The following FER variants were observed in gnomAD, a reference collection of about 807,000 sequenced individuals.
The protein encoded by FER is FER tyrosine kinase.
FER carries 63 observed loss-of-function variants against 111.0 expected under a neutral mutation model. That is an observed-to-expected ratio of 0.57 (90% CI 0.46 to 0.70). The LOEUF (loss-of-function observed/expected upper bound fraction) is 0.70. Ranked by LOEUF, FER falls within the 30% of genes least tolerant of loss-of-function variation. The pLI is 0.00. For synonymous variants in FER, 327 were observed against 313.9 expected, an observed-to-expected ratio of 1.04 and a Z score of -0.44; for missense variants, 914 against 954.0, an observed-to-expected ratio of 0.96 and a Z score of 0.55.
intron 17 of FER, among the ~76,000 whole-genome samples, chr5:109,125,064 A>G (rs1751536917): frequency 6.6e-6 from 1 of 150,534 alleles, no homozygotes; most frequent in Non-Finnish European, 1.5e-5. Flanking sequence ...AAAAAAAAAA[A>G]GAAGAAAGAT....
intron 10 of FER, among the ~76,000 whole-genome samples, chr5:108,939,092 A>T (rs1329970628): frequency 6.6e-6 from 1 of 152,014 alleles, no homozygotes; most frequent in Admixed American, 6.6e-5. Context: ...TGGCCATTTA[A>T]ACTAGGGTTT....
chr5:108,928,158 G>T (rs1754052573), intron 10 of FER, among the ~76,000 whole-genome samples: 2 of 152,190 alleles, frequency 1.3e-5, no homozygotes, highest in Non-Finnish European at 2.9e-5. Flanking sequence ...GAAGGTGCTT[G>T]CTCCCAAATG....
chr5:109,079,945 T>A (rs1207564082), intron 16 of FER, among the ~76,000 whole-genome samples: 1 of 152,124 alleles, frequency 6.6e-6, no homozygotes, highest in South Asian at 2.1e-4. Context: ...AGTTTTTGTT[T>A]GCCAGCCTGT....
At chr5:108,774,464 T>C (rs1352513348) in intron 2 of FER, among the ~76,000 whole-genome samples, 1 of 152,178 alleles carries the variant, frequency 6.6e-6, no homozygotes, top group Non-Finnish European at 1.5e-5. Context: ...TTCTAGATCC[T>C]TGAGGAATTG....
At chr5:108,880,997 T>C (rs1765621096) in intron 8 of FER, among the ~76,000 whole-genome samples, 1 of 152,124 alleles carries the variant, frequency 6.6e-6, no homozygotes, top group Admixed American at 6.6e-5. Flanking sequence ...ATTCCTGTTA[T>C]AAGAGATTCA....
chr5:109,124,972 G>C (rs1751512492), intron 17 of FER, among the ~76,000 whole-genome samples: 1 of 150,666 alleles, frequency 6.6e-6, no homozygotes, highest in African/African-American at 2.4e-5. Flanking sequence ...CGTGAACCCA[G>C]GAGGCAGAGC....
chr5:109,052,254 CT>C, intron 16 of FER: 3 of 1,605,926 alleles, frequency 1.9e-6, no homozygotes, highest in Non-Finnish European at 2.6e-6. Context: ...TTGGGAAAGA[CT>C]TGTCATAGCA....
chr5:109,035,740 C>A (rs928703761), intron 13 of FER, among the ~76,000 whole-genome samples: 3 of 152,094 alleles, frequency 2.0e-5, no homozygotes, highest in Non-Finnish European at 2.9e-5. Context: ...GCTTTTTCTG[C>A]GTTGGGAAAA....
At chr5:109,168,119 T>G (rs1582358753) in intron 17 of FER, among the ~76,000 whole-genome samples, 1 of 152,200 alleles carries the variant, frequency 6.6e-6, no homozygotes, top group East Asian at 1.9e-4. Flanking sequence ...TACAATATGA[T>G]GGACTGGACA....
At chr5:109,022,184 A>G (rs533958523) in intron 13 of FER, among the ~76,000 whole-genome samples, 1 of 152,132 alleles carries the variant, frequency 6.6e-6, no homozygotes, top group Admixed American at 6.6e-5. Context: ...TGTTCCAGCA[A>G]CCCTGAGCCC....
At chr5:108,892,368 T>G (rs915632262) in intron 9 of FER, among the ~76,000 whole-genome samples, 12 of 152,200 alleles carry the variant, frequency 7.9e-5, no homozygotes, top group African/African-American at 2.7e-4. Context: ...CTAACTGGTG[T>G]GAGATGGTAT....
chr5:108,848,235 A>G (rs376928262), intron 5 of FER, among the ~76,000 whole-genome samples: 88 of 152,258 alleles, frequency 5.8e-4, no homozygotes, highest in African/African-American at 2.0e-3. Flanking sequence ...TCTGAAATGC[A>G]TCTCTTGTAA....
intron 16 of FER, among the ~76,000 whole-genome samples, chr5:109,090,492 G>T (rs919245650): frequency 1.3e-5 from 2 of 151,922 alleles, no homozygotes; most frequent in African/African-American, 4.8e-5. Context: ...TAAATTTACA[G>T]GCCAACCCCC....
intron 2 of FER, among the ~76,000 whole-genome samples, chr5:108,778,114 C>G (rs531959279): frequency 9.2e-5 from 14 of 152,300 alleles, no homozygotes; most frequent in South Asian, 2.1e-4. Flanking sequence ...TTCTCCATGT[C>G]TTTTCATGGC....
intron 2 of FER, among the ~76,000 whole-genome samples, chr5:108,777,336 C>T (rs1753600600): frequency 6.6e-6 from 1 of 152,158 alleles, no homozygotes; most frequent in South Asian, 2.1e-4. Context: ...CAGAGATTTC[C>T]CACATACTTC....
At chr5:108,880,212 T>A (rs1395032242) in intron 8 of FER, among the ~76,000 whole-genome samples, 1 of 151,972 alleles carries the variant, frequency 6.6e-6, no homozygotes, top group Non-Finnish European at 1.5e-5. Flanking sequence ...GAATGGAAAA[T>A]TAACCAGGAA....
intron 17 of FER, among the ~76,000 whole-genome samples, chr5:109,164,317 C>T (rs1044339648): frequency 3.3e-5 from 5 of 152,148 alleles, no homozygotes; most frequent in African/African-American, 1.2e-4. Flanking sequence ...TTGAATGACC[C>T]TGTCTTCCAT....
chr5:108,783,894 A>G (rs1754370799), intron 2 of FER, among the ~76,000 whole-genome samples: 2 of 152,146 alleles, frequency 1.3e-5, no homozygotes, highest in African/African-American at 2.4e-5. Flanking sequence ...GTGGAGAACA[A>G]GAGGCTTCCT....
intron 13 of FER, among the ~76,000 whole-genome samples, chr5:108,997,823 C>G (rs1285709114): frequency 6.6e-6 from 1 of 151,992 alleles, no homozygotes; most frequent in African/African-American, 2.4e-5. Context: ...TCAGAGATGC[C>G]CTGCCCAGAG....
Sources: gnomAD v4.1 joint callset for allele counts (sites outside exome capture counted in the v4.1 genomes callset) on GRCh38, gnomAD v4.1.1 for gene constraint, MANE v1.5 for transcripts, NCBI Gene and HGNC (gene_info 2026-07-23, HGNC 2026-07-21) for gene names.